Variants in MTDH observed in about 807,000 individuals in gnomAD.
The protein encoded by MTDH is protein LYRIC.
In MTDH, 34 loss-of-function variants were observed where a neutral mutation model predicts 72.7. That is an observed-to-expected ratio of 0.47 (90% confidence interval 0.36 to 0.62). MTDH has a LOEUF of 0.62. MTDH is among the 20% of genes least tolerant of loss of function. MTDH has a pLI of 0.00. For missense variants in MTDH, 677 were observed against 699.4 expected, an observed-to-expected ratio of 0.97 and a Z score of 0.36; for synonymous variants, 266 against 268.9, an observed-to-expected ratio of 0.99 and a Z score of 0.10.
At chr8:97,664,283 G>A (rs903191901) in intron 2 of MTDH, among the ~76,000 whole-genome samples, 10 of 152,196 alleles carry the variant, frequency 6.6e-5, no homozygotes, top group African/African-American at 2.2e-4. Context: ...TTGAACACAG[G>A]AGGTGGAGGT....
At chr8:97,652,462 C>G (rs1477434481) in intron 1 of MTDH, among the ~76,000 whole-genome samples, 1 of 152,210 alleles carries the variant, frequency 6.6e-6, no homozygotes, top group Non-Finnish European at 1.5e-5. Context: ...TTTCTATTTT[C>G]TGTCTCAACC....
chr8:97,647,298 G>A (rs1012809034), intron 1 of MTDH, among the ~76,000 whole-genome samples: 5 of 152,124 alleles, frequency 3.3e-5, no homozygotes, highest in African/African-American at 1.2e-4. Context: ...GACCCAGGTG[G>A]GCGTGAAAGG....
intron 2 of MTDH, among the ~76,000 whole-genome samples, chr8:97,676,369 A>G (rs1275362075): frequency 1.3e-5 from 2 of 152,176 alleles, no homozygotes; most frequent in African/African-American, 2.4e-5. Context: ...GATAGTTTTG[A>G]TACTATACAG....
chr8:97,668,729 AT>A (rs1282891850), intron 2 of MTDH, among the ~76,000 whole-genome samples: 1 of 151,836 alleles, frequency 6.6e-6, no homozygotes, highest in Admixed American at 6.6e-5. Context: ...TAATTTTTGT[AT>A]TTTTAATAGA....
At position 97,719,267 on chromosome 8, in the gene MTDH, G is replaced by A. The variant is rs951424109; in HGVS notation, c.1521+78G>A. On this transcript the variant is annotated intron_variant, in intron 10 of 11. Coordinates refer to ENST00000336273, the MANE Select transcript of MTDH (RefSeq NM_178812.4). ...CCCAGCACTTTGAGAGGCCAAGGTG[G>A]GCAGGTCATGAGGTCAGGAGTTCAA... 4.7e-6 allele frequency: 7 copies of A among 1,474,478 alleles called. No individual in the cohort carries two copies. The African/African-American group carries it at 7.1e-5, about 15-fold the overall frequency. The allele number at this position is 1,474,478 out of a possible 1,614,324, so 91.3% of individuals were successfully genotyped here.
chr8:97,645,183 G>T (rs1399207889), intron 1 of MTDH, among the ~76,000 whole-genome samples: 3 of 152,158 alleles, frequency 2.0e-5, no homozygotes, highest in Non-Finnish European at 4.4e-5. Flanking sequence ...AACCGTCACC[G>T]CTAGAATAAG....
intron 1 of MTDH, 124 bp from the exon 2 acceptor site, chr8:97,660,948 A>G (rs1341196483): frequency 1.8e-6 from 1 of 556,206 alleles, no homozygotes; most frequent in African/African-American, 1.9e-5. Context: ...TGGTGTACAA[A>G]AACTTTTTAA....
chr8:97,647,498 G>T (rs1811612156), intron 1 of MTDH, among the ~76,000 whole-genome samples: 1 of 152,116 alleles, frequency 6.6e-6, no homozygotes, highest in African/African-American at 2.4e-5. Flanking sequence ...GGAGGTGGAG[G>T]CTGCAGTGAG....
At chr8:97,653,248 A>G (rs1358786806) in intron 1 of MTDH, among the ~76,000 whole-genome samples, 1 of 152,234 alleles carries the variant, frequency 6.6e-6, no homozygotes, top group African/African-American at 2.4e-5. Context: ...ATTCAAGGTC[A>G]TAGGACAAAG....
At chr8:97,692,710 G>C (rs539331918) in intron 6 of MTDH, among the ~76,000 whole-genome samples, 7 of 151,664 alleles carry the variant, frequency 4.6e-5, no homozygotes, top group African/African-American at 1.7e-4. Flanking sequence ...AATGTTTCAC[G>C]GAATATATTT....
intron 2 of MTDH, among the ~76,000 whole-genome samples, chr8:97,683,309 C>T (rs1044110175): frequency 2.0e-5 from 3 of 151,558 alleles, no homozygotes; most frequent in East Asian, 1.9e-4. Context: ...AGGATCTGCC[C>T]GCCTCAGCCT....
intron 7 of MTDH, among the ~76,000 whole-genome samples, chr8:97,703,201 CAA>C (rs914590378): frequency 6.6e-6 from 1 of 151,128 alleles, no homozygotes; most frequent in Non-Finnish European, 1.5e-5. Context: ...CCCATCTCTA[CAA>C]AAAAAAATTA....
Position 97,677,317 on chromosome 8 carries a change from C to T in MTDH, c.484-9351C>T, listed in dbSNP as rs1030902761. Among the ~76,000 whole-genome samples the T allele has an allele frequency of 3.5e-4, 53 of 149,676 alleles. 1 individual carries two copies. The highest frequency in any genetic ancestry group is 1.3e-3 in the African/African-American group (52 of 40,748). ...GACCAGCCTGGCCAAGATGGTGAAACCCCGTCTCTACTAAAAATAAAAAAT... is the reference window on the plus strand; with the variant it reads ...GACCAGCCTGGCCAAGATGGTGAAATCCCGTCTCTACTAAAAATAAAAAAT... On this transcript the variant is annotated intron_variant, in intron 2 of 11. Transcript: ENST00000336273.
rs1811500677 is a variant in MTDH at position 97,644,809 on chromosome 8, C to A, written c.303C>A (p.Asp101Glu). 2 of 1,567,028 alleles carry A rather than the reference C, an allele frequency of 1.3e-6. No individual in the cohort carries two copies. The highest frequency in any genetic ancestry group is 1.4e-5 in the African/African-American group (1 of 69,426). The change falls in exon 1 of 12, where the codon GAC becomes GAA. Residue 101 changes from aspartate to glutamate, a missense_variant. By Grantham distance (45) the Asp-to-Glu change is conservative (BLOSUM62 2). Coordinates refer to ENST00000336273, the MANE Select transcript of MTDH (RefSeq NM_178812.4). ...EAAAVPAAAP[D>E]DLALLKNLRS... ...CGGCCGTGCCGGCCGCGGCCCCCGA[C>A]GACCTGGCCTTGCTGAAGAATCTCC...
intron 1 of MTDH, among the ~76,000 whole-genome samples, chr8:97,657,628 C>T (rs1047278138): frequency 4.6e-5 from 7 of 151,944 alleles, no homozygotes; most frequent in South Asian, 2.1e-4. Flanking sequence ...TTCAGTCCCT[C>T]GAGTAGCTGG....
chr8:97,662,569 T>G (rs1812215441), intron 2 of MTDH, among the ~76,000 whole-genome samples: 2 of 151,574 alleles, frequency 1.3e-5, no homozygotes, highest in African/African-American at 2.4e-5. Context: ...GTGGATCGCC[T>G]GAGGTCAGGA....
chr8:97,698,909 G>A (rs928942393), intron 6 of MTDH, among the ~76,000 whole-genome samples: 11 of 152,202 alleles, frequency 7.2e-5, no homozygotes, highest in African/African-American at 1.9e-4. Flanking sequence ...TTGGGAGGCA[G>A]AGGAGGATCC....
rs1236053584 is a variant in MTDH at position 97,661,178 on chromosome 8, G to C, written c.483+5G>C. The C allele has an allele frequency of 1.3e-6, 2 of 1,599,682 alleles. No individual in the cohort carries two copies. Among genetic ancestry groups the C allele is most frequent in the Non-Finnish European group, 1.7e-6 (2 of 1,170,336 alleles). The stretch of plus-strand genomic sequence containing the variant: ...ATTGACAAGAAAAATGAAAAGGTAA[G>C]TTTGGGAGCATATGAAATTGTATGC... On this transcript the variant is annotated splice_donor_5th_base_variant and intron_variant, in intron 2 of 11. Transcript: ENST00000336273.
intron 2 of MTDH, among the ~76,000 whole-genome samples, chr8:97,666,080 A>G (rs548576462): frequency 8.8e-4 from 129 of 146,954 alleles, no homozygotes; most frequent in African/African-American, 3.0e-3. Context: ...GTGAGCCACG[A>G]TTGTGCCACT....
Sources: allele counts gnomAD v4.1 joint callset (sites outside exome capture counted in the v4.1 genomes callset), GRCh38; gene constraint gnomAD v4.1.1; transcripts MANE v1.5; gene names NCBI Gene and HGNC (gene_info 2026-07-23, HGNC 2026-07-21).